Variants in PALM2AKAP2 observed in about 807,000 individuals in gnomAD.
The protein encoded by PALM2AKAP2 is PALM2 and AKAP2 fusion.
PALM2AKAP2 carries 37 observed loss-of-function variants against 71.5 expected under a neutral mutation model. That is an observed-to-expected ratio of 0.52 (90% CI 0.40 to 0.68). PALM2AKAP2 has a LOEUF of 0.68. PALM2AKAP2 is among the 30% of genes least tolerant of loss of function. The pLI is 0.00. For synonymous variants in PALM2AKAP2, 468 were observed against 478.8 expected, an observed-to-expected ratio of 0.98 and a Z score of 0.29; for missense variants, 1,224 against 1,191.8, an observed-to-expected ratio of 1.03 and a Z score of -0.40.
chr9:109,769,088 T>G (rs1240081465), intron 1 of PALM2AKAP2, among the ~76,000 whole-genome samples: 2 of 150,752 alleles, frequency 1.3e-5, no homozygotes, highest in Non-Finnish European at 2.9e-5. Flanking sequence ...TGTTTCTGCC[T>G]TATCAGAACC....
chr9:109,785,255 C>T, intron 1 of PALM2AKAP2, among the ~76,000 whole-genome samples: 1 of 152,148 alleles, frequency 6.6e-6, no homozygotes, highest in East Asian at 1.9e-4. Flanking sequence ...TAATTAGAAC[C>T]CACTCTGTGA....
chr9:109,840,198 C>G (rs1029737628), intron 1 of PALM2AKAP2, among the ~76,000 whole-genome samples: 10 of 152,148 alleles, frequency 6.6e-5, no homozygotes, highest in Non-Finnish European at 1.3e-4. Flanking sequence ...ACAGAGCCCT[C>G]AGAAATAATA....
chr9:109,919,172 G>A (rs115655444), intron 3 of PALM2AKAP2, among the ~76,000 whole-genome samples: 25 of 152,208 alleles, frequency 1.6e-4, no homozygotes, highest in African/African-American at 5.8e-4. Context: ...TGCCTAGCTC[G>A]GAGTCCAACC....
At chr9:109,900,663 C>A (rs1830306298) in intron 3 of PALM2AKAP2, among the ~76,000 whole-genome samples, 1 of 152,234 alleles carries the variant, frequency 6.6e-6, no homozygotes, top group Admixed American at 6.5e-5. Flanking sequence ...ATTACCCTCA[C>A]AAGACCTATA....
At chr9:109,758,059 T>C (rs1166869385) in intron 1 of PALM2AKAP2, among the ~76,000 whole-genome samples, 1 of 152,028 alleles carries the variant, frequency 6.6e-6, no homozygotes, top group Non-Finnish European at 1.5e-5. Flanking sequence ...AGTCCAAGTA[T>C]ATACAAGCAA....
At chr9:110,076,497 A>G (rs1031919707) in intron 1 of PALM2AKAP2, among the ~76,000 whole-genome samples, 1 of 141,496 alleles carries the variant, frequency 7.1e-6, no homozygotes, top group Admixed American at 7.0e-5. Context: ...TTCTACATAT[A>G]TATATATATA....
chr9:109,771,226 C>A (rs7032211), intron 1 of PALM2AKAP2, among the ~76,000 whole-genome samples: 33,571 of 152,106 alleles, frequency 0.22, 6,186 homozygotes, highest in African/African-American at 0.5. Flanking sequence ...AGGGATAACC[C>A]CTTTTCCTTC....
exon 2 of PALM2AKAP2, chr9:110,138,063 A>G (rs767369093): frequency 6.2e-7 from 1 of 1,613,966 alleles, no homozygotes; most frequent in Admixed American, 1.7e-5. Context: ...ACTGTAGAGG[A>G]AGCTGAAGCT....
intron 7 of PALM2AKAP2, among the ~76,000 whole-genome samples, chr9:110,021,741 TAA>T (rs35196810): frequency 2.1e-5 from 3 of 142,460 alleles, no homozygotes; most frequent in Admixed American, 1.4e-4. Context: ...ACATTGAATT[TAA>T]AAAAAAAAAA....
At chr9:109,858,212 C>T (rs1829219822) in intron 1 of PALM2AKAP2, among the ~76,000 whole-genome samples, 1 of 152,120 alleles carries the variant, frequency 6.6e-6, no homozygotes, top group African/African-American at 2.4e-5. Context: ...CTTCCTGTGC[C>T]TCAGTTTTCT....
At position 109,753,573 on chromosome 9, in the gene PALM2AKAP2, C is replaced by A. The variant is rs144603717; in HGVS notation, c.6-26915C>A. On this transcript the variant is annotated intron_variant, in intron 1 of 6. Transcript: ENST00000374531. The stretch of plus-strand genomic sequence containing the variant: ...TGATGATCTGCATGCAAGCAAGCCA[C>A]GTTGACAGTTTCTGACCTGTTTCCA... Among the ~76,000 whole-genome samples, 5 of 152,266 alleles carry A rather than the reference C, an allele frequency of 3.3e-5. No individual in the cohort carries two copies. The East Asian group carries it at 9.7e-4, about 29-fold the overall frequency.
exon 1 of PALM2AKAP2, chr9:109,780,490 T>C (rs2118791360): frequency 6.2e-7 from 1 of 1,613,536 alleles, no homozygotes; most frequent in Non-Finnish European, 8.5e-7. Flanking sequence ...TTCTCCAGGA[T>C]GGCAGAGGCG....
At chr9:109,937,859 C>A (rs1831265152) in intron 6 of PALM2AKAP2, among the ~76,000 whole-genome samples, 1 of 152,174 alleles carries the variant, frequency 6.6e-6, no homozygotes, top group Non-Finnish European at 1.5e-5. Flanking sequence ...GCCCTCACCC[C>A]TCAACAGCAC....
chr9:109,933,428 C>A (rs934201885), intron 6 of PALM2AKAP2, among the ~76,000 whole-genome samples: 10 of 152,134 alleles, frequency 6.6e-5, no homozygotes, highest in African/African-American at 2.4e-4. Context: ...TGCACAAGTT[C>A]CTGCACTTCA....
intron 1 of PALM2AKAP2, chr9:110,090,236 G>A: frequency 2.4e-6 from 1 of 412,592 alleles, no homozygotes; most frequent in Non-Finnish European, 4.9e-6. Context: ...GCTCAGTCCT[G>A]CTTCCCCTGA....
chr9:109,879,623 G>A (rs9408826), intron 2 of PALM2AKAP2, among the ~76,000 whole-genome samples: 53,336 of 151,716 alleles, frequency 0.35, 10,064 homozygotes, highest in Non-Finnish European at 0.43. Context: ...TGCTGCCTCC[G>A]AACCATTGAC....
chr9:109,872,286 T>TA (rs1829618885), intron 2 of PALM2AKAP2, among the ~76,000 whole-genome samples: 2 of 152,204 alleles, frequency 1.3e-5, no homozygotes, highest in Non-Finnish European at 2.9e-5. Flanking sequence ...ATGGATTTTT[T>TA]TAAAATAAAT....
At chr9:109,769,328 G>A (rs1829218623) in intron 1 of PALM2AKAP2, among the ~76,000 whole-genome samples, 1 of 152,144 alleles carries the variant, frequency 6.6e-6, no homozygotes, top group Admixed American at 6.5e-5. Context: ...TATTGGCTCA[G>A]AGGGCAAGTG....
chr9:109,648,908 A>G (rs1827187394), intron 1 of PALM2AKAP2, among the ~76,000 whole-genome samples: 1 of 152,224 alleles, frequency 6.6e-6, no homozygotes, highest in Non-Finnish European at 1.5e-5. Flanking sequence ...TGTGTATAAA[A>G]TTATAGAATC....
Sources: allele counts gnomAD v4.1 joint callset (sites outside exome capture counted in the v4.1 genomes callset), GRCh38; gene constraint gnomAD v4.1.1; transcripts MANE v1.5; gene names NCBI Gene and HGNC (gene_info 2026-07-23, HGNC 2026-07-21).